Variants in FNDC1 observed in about 807,000 individuals in gnomAD.
FNDC1 encodes the protein fibronectin type III domain containing 1, also known as fibronectin type III domain-containing protein 1.
In FNDC1, 96 loss-of-function variants were observed where a neutral mutation model predicts 168.0. The ratio of observed to expected loss-of-function variants is 0.57; its 90% CI spans 0.48 to 0.68. The LOEUF (loss-of-function observed/expected upper bound fraction) is 0.68. Among genes scored for constraint, FNDC1 ranks in the 30% least tolerant of loss-of-function variants. The probability of loss-of-function intolerance (pLI) is 0.00; values close to 1 mark genes in which losing one functional copy is unlikely to be tolerated. For missense variants in FNDC1, 2,587 were observed against 2,482.1 expected (o/e 1.04, Z -0.90); for synonymous variants, 1,099 against 1,025.9 (o/e 1.07, Z -1.36).
Position 159,232,611 on chromosome 6 carries a change from C to G in FNDC1, c.2099C>G (p.Thr700Ser), listed in dbSNP as rs780901218. ...AAGCCAGCCTCGCCGGCCCGGAGGA[C>G]CCCCCATTCAGGGGCCGCAGAGGAA... ...GAKPASPARR[T>S]PHSGAAEEDS... Residue 700 changes from threonine to serine, a missense_variant, in exon 11 of 23, where the codon ACC becomes AGC. Physicochemically the swap from Thr to Ser is moderately conservative, Grantham distance 58 (BLOSUM62 1). Coordinates refer to ENST00000297267, the MANE Select transcript of FNDC1 (RefSeq NM_032532.3). The surrounding 1 kb of genome is among the most constrained non-coding windows in gnomAD (Gnocchi z 4.9). 6.2e-7 allele frequency: 1 copy of G among 1,606,772 alleles called. No individual in the cohort carries two copies.
At chr6:159,207,720 A>G (rs1782517784) in intron 4 of FNDC1, among the ~76,000 whole-genome samples, 1 of 152,252 alleles carries the variant, frequency 6.6e-6, no homozygotes, top group East Asian at 1.9e-4. Flanking sequence ...ACAGTTAAAA[A>G]TTGAAGTAAC....
At chr6:159,251,756 G>A (rs1777271509) in intron 17 of FNDC1, among the ~76,000 whole-genome samples, 1 of 152,206 alleles carries the variant, frequency 6.6e-6, no homozygotes. Flanking sequence ...GAAGTCAGAA[G>A]TCCTAAATCC....
In FNDC1 at chr6:159,187,073, C is replaced by T. The variant is rs536413439; in HGVS notation, c.110-10358C>T. On this transcript the variant is annotated intron_variant, in intron 1 of 22. Transcript: ENST00000297267. The stretch of plus-strand genomic sequence containing the variant: ...GAGCCCAGGAGTGCCGCTGGCTCCT[C>T]TGCTCAGGAGTGAGTATTGGCTGCA... Among the ~76,000 whole-genome samples the T allele has an allele frequency of 6.6e-5, 10 of 152,322 alleles. 1 individual carries two copies. The South Asian group carries it at 2.1e-3, about 32-fold the overall frequency.
intron 10 of FNDC1, among the ~76,000 whole-genome samples, chr6:159,231,425 C>T (rs1401530483): frequency 6.6e-6 from 1 of 152,308 alleles, no homozygotes; most frequent in Middle Eastern, 3.4e-3. Flanking sequence ...CACACATTCC[C>T]CATCACTTTG....
At chr6:159,261,357 C>T (rs1777480549) in intron 19 of FNDC1, 88 bp downstream of exon 19, 1 of 910,802 alleles carries the variant, frequency 1.1e-6, no homozygotes, top group Non-Finnish European at 1.7e-6. Flanking sequence ...AGAATAAATC[C>T]TTACTTTTCT....
rs1035799435 is a variant in FNDC1, at chr6:159,238,450, G to A, written c.4069-104G>A. ...AAAGAATGTCTTCTACTCACATTAC[G>A]GTTTCCTTCTGTGGAAGCTTCAGGG... On this transcript the variant is annotated intron_variant, in intron 12 of 22. Transcript: ENST00000297267. 1.1e-5 allele frequency: 8 copies of A among 700,954 alleles called. No individual in the cohort carries two copies. The African/African-American group carries it at 1.5e-4, about 13-fold the overall frequency. 43.4% of individuals were successfully genotyped at this position (700,954 alleles called of 1,614,324 possible). A position where few individuals can be genotyped will look rare whatever the true frequency, so the allele number is the denominator to read the frequency against.
At chr6:159,194,562 A>C (rs1035305464) in intron 1 of FNDC1, among the ~76,000 whole-genome samples, 1 of 152,238 alleles carries the variant, frequency 6.6e-6, no homozygotes. Context: ...TCCATAACAC[A>C]GAACTCAGAA....
chr6:159,177,825 G>C (rs1781796272), intron 1 of FNDC1, among the ~76,000 whole-genome samples: 1 of 152,096 alleles, frequency 6.6e-6, no homozygotes, highest in Admixed American at 6.5e-5. Flanking sequence ...GAGTGTCGTG[G>C]GGTGCTTTCA....
chr6:159,271,655 A>C lies in FNDC1; in HGVS notation c.*213A>C. The C allele has an allele frequency of 2.1e-6, 1 of 469,318 alleles. No individual in the cohort carries two copies. Among genetic ancestry groups the C allele is most frequent in the Non-Finnish European group, 3.9e-6 (1 of 257,984 alleles). The allele number at this position is 469,318 out of a possible 1,614,324, so 29.1% of individuals were successfully genotyped here. A position where few individuals can be genotyped will look rare whatever the true frequency, so the allele number is the denominator to read the frequency against. On this transcript the variant is annotated 3_prime_UTR_variant, in exon 23 of 23. Coordinates refer to ENST00000297267, the MANE Select transcript of FNDC1 (RefSeq NM_032532.3). ...TGAACAGGATTCAGTTTTGCTGTTAACTTTGCTTCTCTACTTTTTTTTGTT... is the reference window on the plus strand; with the variant it reads ...TGAACAGGATTCAGTTTTGCTGTTACCTTTGCTTCTCTACTTTTTTTTGTT...
chr6:159,187,920 A>G (rs752407738), intron 1 of FNDC1, among the ~76,000 whole-genome samples: 21 of 152,212 alleles, frequency 1.4e-4, no homozygotes, highest in Non-Finnish European at 1.5e-4. Context: ...TATGTCGTAT[A>G]TCACATTGAT....
intron 1 of FNDC1, among the ~76,000 whole-genome samples, chr6:159,192,222 A>G (rs1782156272): frequency 6.6e-6 from 1 of 152,000 alleles, no homozygotes; most frequent in Admixed American, 6.6e-5. Flanking sequence ...TCTAAAATCT[A>G]CCATCCATTC....
At position 159,169,817 on chromosome 6, in the gene FNDC1, C is replaced by A. The variant is rs1377787341; in HGVS notation, c.109+112C>A. 3.2e-6 allele frequency: 1 copy of A among 313,044 alleles called. No individual in the cohort carries two copies. Among genetic ancestry groups the A allele is most frequent in the Non-Finnish European group, 5.1e-6 (1 of 196,368 alleles). The allele number at this position is 313,044 out of a possible 1,614,324, so 19.4% of individuals were successfully genotyped here. ...CTACGGGTCGTGTCACTAGCCTGTG[C>A]GTCCTCGTCACTCGCGGGTCGGGGC... is the stretch of plus-strand genomic sequence containing the variant. On this transcript the variant is annotated intron_variant, in intron 1 of 22. Coordinates refer to ENST00000297267, the MANE Select transcript of FNDC1 (RefSeq NM_032532.3). The surrounding 1 kb of genome is among the most constrained non-coding windows in gnomAD (Gnocchi z 6.8).
chr6:159,210,365 C>A (rs626959), intron 4 of FNDC1, among the ~76,000 whole-genome samples: 21,057 of 152,112 alleles, frequency 0.14, 1,705 homozygotes, highest in East Asian at 0.37. Flanking sequence ...GAGATGTTCC[C>A]TTAGCCTTTC....
Position 159,233,466 on chromosome 6 carries a change from G to A in FNDC1, c.2954G>A (p.Arg985Gln), listed in dbSNP as rs767470298. ...TCCCCTGCTCGTCCGCCCGCAGCAC[G>A]GTCACAGCAGCATCCCAGTGTTCCC... is the stretch of plus-strand genomic sequence containing the variant. ...HASPARPPAARSQQHPSVPRR... is the reference protein window; with the variant it reads ...HASPARPPAAQSQQHPSVPRR... The change falls in exon 11 of 23, where the codon CGG becomes CAG. Residue 985 changes from arginine to glutamine, a missense_variant. Coordinates refer to ENST00000297267, the MANE Select transcript of FNDC1 (RefSeq NM_032532.3). The surrounding 1 kb of genome is among the most constrained non-coding windows in gnomAD (Gnocchi z 4.6). The A allele has an allele frequency of 6.2e-6, 10 of 1,606,274 alleles. No individual in the cohort carries two copies. In the South Asian group the frequency reaches 7.7e-5, roughly 12 times the overall value.
chr6:159,200,510 T>C lies in FNDC1; in HGVS notation c.392-3T>C. On this transcript the variant is annotated splice_polypyrimidine_tract_variant and splice_region_variant and intron_variant, in intron 3 of 22. Transcript: ENST00000297267. ...ACTATCAAGTTGCATTTCCCTAATTTAGGAGGTGAATGGATCGAGATTGAT... is the reference window on the plus strand; with the variant it reads ...ACTATCAAGTTGCATTTCCCTAATTCAGGAGGTGAATGGATCGAGATTGAT... The C allele has an allele frequency of 6.3e-7, 1 of 1,595,612 alleles. No individual in the cohort carries two copies. The highest frequency in any genetic ancestry group is 8.5e-7 in the Non-Finnish European group (1 of 1,169,868).
rs192945393 is a variant in FNDC1, at chr6:159,173,197, G to A, written c.109+3492G>A. Among the ~76,000 whole-genome samples, 5 of 152,304 alleles carry A rather than the reference G, an allele frequency of 3.3e-5. No homozygotes were observed. The South Asian group carries it at 8.3e-4, about 25-fold the overall frequency. ...ATGTTTGAGACACACTGGTATATACGGAGGGAAGTAGGTTAAAAATCAGGA... is the reference window on the plus strand; with the variant it reads ...ATGTTTGAGACACACTGGTATATACAGAGGGAAGTAGGTTAAAAATCAGGA... On this transcript the variant is annotated intron_variant, in intron 1 of 22. Coordinates refer to ENST00000297267, the MANE Select transcript of FNDC1 (RefSeq NM_032532.3).
At chr6:159,246,662 G>C (rs1447105951) in intron 14 of FNDC1, among the ~76,000 whole-genome samples, 1 of 152,202 alleles carries the variant, frequency 6.6e-6, no homozygotes, top group Non-Finnish European at 1.5e-5. Context: ...TGGGGTGTTT[G>C]CTCCTAATGG....
intron 4 of FNDC1, among the ~76,000 whole-genome samples, chr6:159,207,164 G>A (rs1473635419): frequency 6.6e-6 from 1 of 152,218 alleles, no homozygotes; most frequent in African/African-American, 2.4e-5. Flanking sequence ...GGCCAGAAAA[G>A]AGATTGATTG....
intron 1 of FNDC1, among the ~76,000 whole-genome samples, chr6:159,182,685 C>T (rs1387304120): frequency 1.3e-5 from 2 of 152,148 alleles, no homozygotes; most frequent in African/African-American, 4.8e-5. Context: ...ACTTGTATTC[C>T]CAGGGGAGTG....
Sources: gnomAD v4.1 joint callset for allele counts (sites outside exome capture counted in the v4.1 genomes callset) on GRCh38, gnomAD v4.1.1 for gene constraint, Gnocchi (gnomAD v3.1) non-coding constraint, MANE v1.5 for transcripts, NCBI Gene and HGNC (gene_info 2026-07-23, HGNC 2026-07-21) for gene names.